Variants in LCORL observed in about 807,000 individuals in gnomAD.
LCORL encodes the protein ligand-dependent nuclear receptor corepressor-like protein.
Under a neutral mutation model 141.8 loss-of-function variants are expected in LCORL, and 41 were observed. The ratio of observed to expected loss-of-function variants is 0.29; its 90% CI spans 0.23 to 0.38. The LOEUF is 0.38. LCORL is among the 10% of genes least tolerant of loss of function. LCORL has a pLI of 1.00. For synonymous variants in LCORL, 618 were observed against 694.1 expected, an observed-to-expected ratio of 0.89 and a Z score of 1.72; for missense variants, 1,759 against 2,035.0, an observed-to-expected ratio of 0.86 and a Z score of 2.61.
chr4:18,010,048 G>A (rs1723453965), intron 1 of LCORL, among the ~76,000 whole-genome samples: 1 of 152,152 alleles, frequency 6.6e-6, no homozygotes, highest in African/African-American at 2.4e-5. Flanking sequence ...AGAGACACCA[G>A]TGAATAAACT....
At chr4:17,919,956 GA>G (rs1046543458) in intron 4 of LCORL, among the ~76,000 whole-genome samples, 4 of 152,200 alleles carry the variant, frequency 2.6e-5, no homozygotes, top group African/African-American at 9.6e-5. Context: ...TTGAACATGT[GA>G]AGTGCCCTGG....
At chr4:17,997,555 T>C (rs1721105599) in intron 1 of LCORL, among the ~76,000 whole-genome samples, 3 of 152,182 alleles carry the variant, frequency 2.0e-5, no homozygotes, top group African/African-American at 4.8e-5. Flanking sequence ...AAATGAGCAC[T>C]TGTGGCAAAT....
intron 7 of LCORL, among the ~76,000 whole-genome samples, chr4:17,860,040 GA>G (rs1724819480): frequency 6.6e-6 from 1 of 152,122 alleles, no homozygotes; most frequent in Non-Finnish European, 1.5e-5. Context: ...ATTGGGATAG[GA>G]AAAATCAATA....
chr4:18,001,000 G>A (rs934968144), intron 1 of LCORL, among the ~76,000 whole-genome samples: 1 of 152,190 alleles, frequency 6.6e-6, no homozygotes. Context: ...CAGGCATAGT[G>A]TTTGAGAATC....
chr4:17,959,957 AC>A (rs994880274), intron 4 of LCORL, among the ~76,000 whole-genome samples: 1 of 152,170 alleles, frequency 6.6e-6, no homozygotes, highest in African/African-American at 2.4e-5. Context: ...TGGCAAACTA[AC>A]AAAGGAGTTA....
At chr4:17,855,087 A>G (rs1724196774) in intron 7 of LCORL, among the ~76,000 whole-genome samples, 1 of 152,190 alleles carries the variant, frequency 6.6e-6, no homozygotes, top group Non-Finnish European at 1.5e-5. Flanking sequence ...TTTTCTCCTT[A>G]GAAATGGGAG....
chr4:17,876,777 G>A (rs1370110628), exon 7 of LCORL: 4 of 1,230,768 alleles, frequency 3.2e-6, no homozygotes, highest in Non-Finnish European at 4.1e-6. Context: ...TCCATCTGCA[G>A]ATTTCTCCTG....
chr4:17,872,007 C>T (rs1726394040), intron 7 of LCORL, among the ~76,000 whole-genome samples: 1 of 151,818 alleles, frequency 6.6e-6, no homozygotes, highest in South Asian at 2.1e-4. Context: ...GAATTTACTG[C>T]TTTTACTATT....
intron 5 of LCORL, among the ~76,000 whole-genome samples, chr4:17,900,303 CTCT>C (rs1560311367): frequency 6.6e-6 from 1 of 152,132 alleles, no homozygotes; most frequent in Non-Finnish European, 1.5e-5. Context: ...TTTGAACAAT[CTCT>C]TGATTTTCAC....
intron 5 of LCORL, among the ~76,000 whole-genome samples, chr4:17,892,358 G>A (rs1003589348): frequency 6.6e-6 from 1 of 151,574 alleles, no homozygotes; most frequent in Non-Finnish European, 1.5e-5. Context: ...ACAGGCACTG[G>A]CCACCAAGCC....
intron 7 of LCORL, among the ~76,000 whole-genome samples, chr4:17,850,077 T>C (rs1324379782): frequency 2.7e-5 from 4 of 149,670 alleles, no homozygotes; most frequent in Non-Finnish European, 6.0e-5. Flanking sequence ...TGGCTAGCCA[T>C]ATGTAGAAAG....
At chr4:17,956,396 T>C (rs1204811593) in intron 4 of LCORL, among the ~76,000 whole-genome samples, 1 of 152,128 alleles carries the variant, frequency 6.6e-6, no homozygotes, top group Non-Finnish European at 1.5e-5. Context: ...AGCCAAGTTA[T>C]GAATTCAACT....
chr4:17,882,609 C>G (rs1727719395), intron 6 of LCORL: 1 of 984,488 alleles, frequency 1.0e-6, no homozygotes, highest in Non-Finnish European at 1.2e-6. Context: ...AGACCCTGAA[C>G]AAACTGCAAA....
intron 6 of LCORL, chr4:17,883,243 C>A (rs1210828658): frequency 5.1e-6 from 5 of 985,062 alleles, no homozygotes; most frequent in Non-Finnish European, 6.0e-6. Context: ...GCTATTTAAA[C>A]TTTGATTGGT....
intron 2 of LCORL, among the ~76,000 whole-genome samples, chr4:17,967,997 A>G (rs1715244439): frequency 6.6e-6 from 1 of 151,810 alleles, no homozygotes; most frequent in Non-Finnish European, 1.5e-5. Context: ...AGCTGGGATT[A>G]CAGATGCCCG....
intron 1 of LCORL, among the ~76,000 whole-genome samples, chr4:18,019,268 G>A (rs983206409): frequency 3.9e-5 from 6 of 152,162 alleles, no homozygotes; most frequent in Admixed American, 1.3e-4. Flanking sequence ...GAATCCAGGA[G>A]GCGGAGGTTG....
chr4:17,842,290 T>C, exon 8 of LCORL: 2 of 1,604,690 alleles, frequency 1.2e-6, no homozygotes, highest in Non-Finnish European at 1.7e-6. Flanking sequence ...ATCCTGATAA[T>C]GAATTATACT....
intron 4 of LCORL, among the ~76,000 whole-genome samples, chr4:17,916,404 T>C (rs1560337174): frequency 6.6e-6 from 1 of 152,186 alleles, no homozygotes. Flanking sequence ...ATGAATGACT[T>C]AGCCCCATCC....
intron 5 of LCORL, among the ~76,000 whole-genome samples, chr4:17,898,120 C>T (rs920047664): frequency 2.6e-5 from 4 of 151,788 alleles, no homozygotes; most frequent in African/African-American, 9.7e-5. Context: ...TTGGTTTGTT[C>T]TACAGACTCA....
Sources: gnomAD v4.1 joint callset for allele counts (sites outside exome capture counted in the v4.1 genomes callset) on GRCh38, gnomAD v4.1.1 for gene constraint, MANE v1.5 for transcripts, NCBI Gene and HGNC (gene_info 2026-07-23, HGNC 2026-07-21) for gene names.